The following NBEA variants were observed in gnomAD, a reference collection of about 807,000 sequenced individuals.
The protein encoded by NBEA is lysosomal-trafficking regulator 2.
In NBEA, 44 loss-of-function variants were observed where a neutral mutation model predicts 343.4. That is an observed-to-expected ratio of 0.13 (90% confidence interval 0.10 to 0.16). NBEA has a LOEUF of 0.16. Among genes scored for constraint, NBEA ranks in the 10% least tolerant of loss-of-function variants. The probability of loss-of-function intolerance (pLI) is 1.00; values close to 1 mark genes in which losing one functional copy is unlikely to be tolerated. For synonymous variants in NBEA, 1,175 were observed against 1,238.7 expected, an observed-to-expected ratio of 0.95 and a Z score of 1.08; for missense variants, 2,555 against 3,631.3, an observed-to-expected ratio of 0.70 and a Z score of 7.62.
At chr13:35,034,753 A>G (rs747354957) in intron 1 of NBEA, among the ~76,000 whole-genome samples, 14 of 151,770 alleles carry the variant, frequency 9.2e-5, no homozygotes, top group Admixed American at 5.3e-4. Context: ...TCCTGGTTCA[A>G]TCTTGGTACT....
At chr13:35,123,388 AT>A (rs2066905678) in intron 16 of NBEA, 93 bp from the exon 17 acceptor site, 2 of 581,808 alleles carry the variant, frequency 3.4e-6, no homozygotes, top group African/African-American at 3.8e-5. Context: ...AGAGTTTTAT[AT>A]TTCACATATG....
Position 34,970,533 on chromosome 13 carries a change from A to G in NBEA, c.294+27419A>G, listed in dbSNP as rs1056381865. On this transcript the variant is annotated intron_variant, in intron 1 of 58. Coordinates refer to ENST00000379939, the MANE Select transcript of NBEA (RefSeq NM_001385012.1). The stretch of plus-strand genomic sequence containing the variant: ...TTTTGTGTTTTATATTTAAGTTTTT[A>G]ATACATCTTGAGTTTATTTTTGTAT... Among the ~76,000 whole-genome samples, 12 of 152,146 alleles carry G rather than the reference A, an allele frequency of 7.9e-5. No individual in the cohort carries two copies. In the South Asian group the frequency reaches 2.5e-3, roughly 31 times the overall value.
intron 44 of NBEA, among the ~76,000 whole-genome samples, chr13:35,564,139 GAC>G (rs2080021857): frequency 6.6e-6 from 1 of 151,826 alleles, no homozygotes; most frequent in Admixed American, 6.6e-5. Context: ...TGTTTGCATT[GAC>G]ACAGTACATT....
chr13:35,608,357 AT>A (rs1294365831), intron 48 of NBEA, among the ~76,000 whole-genome samples: 1 of 152,190 alleles, frequency 6.6e-6, no homozygotes, highest in East Asian at 1.9e-4. Flanking sequence ...AATGACTTAT[AT>A]TTCAGTAATA....
At position 35,118,300 on chromosome 13, in the gene NBEA, GT is replaced by G. The variant is rs1451376807; in HGVS notation, c.2145+12del. The G allele has an allele frequency of 2.6e-6, 4 of 1,566,066 alleles. No homozygotes were observed. The African/African-American group carries it at 4.1e-5, about 16-fold the overall frequency. On this transcript the variant is annotated intron_variant, in intron 15 of 58. Coordinates refer to ENST00000379939, the MANE Select transcript of NBEA (RefSeq NM_001385012.1). ...ACTTACGATGCATGAGGTAGGACAT[GT>G]TATGGGCCTTTTATTTTAATTATTT...
chr13:35,416,237 G>C (rs987599972), intron 38 of NBEA, among the ~76,000 whole-genome samples: 1 of 151,998 alleles, frequency 6.6e-6, no homozygotes, highest in Non-Finnish European at 1.5e-5. Flanking sequence ...TCTTTCTCTT[G>C]CCTGATTGCC....
At chr13:35,347,109 A>G (rs2039923257) in intron 36 of NBEA, among the ~76,000 whole-genome samples, 1 of 152,118 alleles carries the variant, frequency 6.6e-6, no homozygotes, top group African/African-American at 2.4e-5. Context: ...TAAACAATAA[A>G]TTAGAAATAT....
intron 38 of NBEA, among the ~76,000 whole-genome samples, chr13:35,404,078 G>C (rs201786939): frequency 6.6e-6 from 1 of 152,080 alleles, no homozygotes; most frequent in African/African-American, 2.4e-5. Context: ...TTAGAATGGC[G>C]ATCATTAAAT....
At chr13:35,470,153 A>G (rs1446211018) in intron 40 of NBEA, among the ~76,000 whole-genome samples, 1 of 152,218 alleles carries the variant, frequency 6.6e-6, no homozygotes, top group Non-Finnish European at 1.5e-5. Context: ...ATATTTCATG[A>G]TGGTCTTTCT....
chr13:34,995,086 G>A (rs2060892023), intron 1 of NBEA, among the ~76,000 whole-genome samples: 1 of 152,174 alleles, frequency 6.6e-6, no homozygotes, highest in African/African-American at 2.4e-5. Flanking sequence ...GGGGAATAGA[G>A]TTAGCTCAGG....
intron 4 of NBEA, among the ~76,000 whole-genome samples, chr13:35,047,552 G>C (rs536247024): frequency 6.6e-6 from 1 of 151,946 alleles, no homozygotes; most frequent in South Asian, 2.1e-4. Context: ...GAATGATTTG[G>C]ATAGAAGCAA....
intron 48 of NBEA, among the ~76,000 whole-genome samples, chr13:35,622,110 G>C (rs557966290): frequency 1.2e-4 from 19 of 152,304 alleles, no homozygotes; most frequent in South Asian, 2.1e-4. Flanking sequence ...CTGAACTTGA[G>C]TAAGAAGGAT....
chr13:35,375,106 C>T (rs1404321646), intron 38 of NBEA, among the ~76,000 whole-genome samples: 1 of 152,048 alleles, frequency 6.6e-6, no homozygotes, highest in African/African-American at 2.4e-5. Flanking sequence ...GACTGCTTTT[C>T]ATCTCTCAGT....
intron 52 of NBEA, 66 bp downstream of exon 52, chr13:35,649,913 G>A: frequency 2.5e-6 from 3 of 1,186,880 alleles, no homozygotes; most frequent in Non-Finnish European, 3.4e-6. Context: ...GTAAAAAAGT[G>A]TACTGGGACT....
At chr13:35,365,426 C>T (rs541309904) in intron 38 of NBEA, among the ~76,000 whole-genome samples, 6 of 151,732 alleles carry the variant, frequency 4.0e-5, no homozygotes, top group South Asian at 4.1e-4. Flanking sequence ...TTGACCCATT[C>T]GCAACAAACA....
At chr13:35,656,082 A>G (rs1172970464) in intron 55 of NBEA, among the ~76,000 whole-genome samples, 2 of 152,190 alleles carry the variant, frequency 1.3e-5, no homozygotes, top group Non-Finnish European at 2.9e-5. Flanking sequence ...TTTCAGCTGA[A>G]AATAATCTCT....
chr13:35,055,764 G>A (rs2063232351), intron 6 of NBEA, among the ~76,000 whole-genome samples: 1 of 152,068 alleles, frequency 6.6e-6, no homozygotes, highest in African/African-American at 2.4e-5. Context: ...TCTTGGTATA[G>A]TGGAAGGAAC....
intron 10 of NBEA, among the ~76,000 whole-genome samples, chr13:35,074,913 CA>C (rs2064047005): frequency 6.6e-6 from 1 of 152,094 alleles, no homozygotes; most frequent in African/African-American, 2.4e-5. Flanking sequence ...TGTACTCGTT[CA>C]ACCTACATAT....
chr13:35,414,266 A>C (rs1159412489), intron 38 of NBEA, among the ~76,000 whole-genome samples: 2 of 152,128 alleles, frequency 1.3e-5, no homozygotes, highest in African/African-American at 4.8e-5. Context: ...GTTCTGGGGT[A>C]CATGTGCACA....
Sources: allele counts gnomAD v4.1 joint callset (sites outside exome capture counted in the v4.1 genomes callset), GRCh38; gene constraint gnomAD v4.1.1; transcripts MANE v1.5; gene names NCBI Gene and HGNC (gene_info 2026-07-23, HGNC 2026-07-21).